KCND3: variants seen among roughly 807,000 people sequenced by gnomAD.
KCND3 encodes potassium voltage-gated channel subfamily D member 3.
Under a neutral mutation model 51.1 loss-of-function variants are expected in KCND3, and 9 were observed. The observed-to-expected ratio is 0.18, with a 90% CI of 0.11 to 0.31. The LOEUF is 0.31. Among genes scored for constraint, KCND3 ranks in the 10% least tolerant of loss-of-function variants. KCND3 has a pLI of 1.00. For synonymous variants in KCND3, 349 were observed against 368.0 expected, an observed-to-expected ratio of 0.95 and a Z score of 0.59; for missense variants, 526 against 903.8, an observed-to-expected ratio of 0.58 and a Z score of 5.36.
chr1:111,838,917 G>A (rs543872232), intron 2 of KCND3, among the ~76,000 whole-genome samples: 17 of 151,914 alleles, frequency 1.1e-4, no homozygotes, highest in Non-Finnish European at 1.9e-4. Context: ...CTGAAATCAC[G>A]CTATATGCCA....
At chr1:111,955,010 T>C (rs1673254536) in intron 2 of KCND3, among the ~76,000 whole-genome samples, 1 of 152,240 alleles carries the variant, frequency 6.6e-6, no homozygotes, top group South Asian at 2.1e-4. Flanking sequence ...TTTTCACAAA[T>C]GATTTGAATA....
intron 2 of KCND3, among the ~76,000 whole-genome samples, chr1:111,892,253 C>A (rs562826164): frequency 6.6e-6 from 1 of 152,190 alleles, no homozygotes; most frequent in Non-Finnish European, 1.5e-5. Context: ...AGTGCTTGTG[C>A]ATGAAGCCTG....
intron 2 of KCND3, among the ~76,000 whole-genome samples, chr1:111,963,748 C>T (rs1673807906): frequency 6.6e-6 from 1 of 152,222 alleles, no homozygotes; most frequent in African/African-American, 2.4e-5. Context: ...GACTTCCTGA[C>T]AGCAAGCATT....
chr1:111,797,429 C>G (rs566844689), intron 2 of KCND3, among the ~76,000 whole-genome samples: 18 of 152,204 alleles, frequency 1.2e-4, no homozygotes, highest in Admixed American at 2.6e-4. Context: ...CTTTCCCCCC[C>G]ATCCTCCTGG....
rs1035072910 is a variant in KCND3 at position 111,982,816 on chromosome 1, A to G, written c.-72-18T>C. The G allele has an allele frequency of 2.0e-5, 30 of 1,505,950 alleles. No homozygotes were observed. In the African/African-American group the frequency reaches 4.1e-4, roughly 21 times the overall value. 93.3% of individuals were successfully genotyped at this position (1,505,950 alleles called of 1,614,324 possible). On this transcript the variant is annotated intron_variant, in intron 1 of 7. Coordinates refer to ENST00000302127, the MANE Select transcript of KCND3 (RefSeq NM_001378969.1). This position sits in a 1 kb window ranked among gnomAD's most constrained non-coding sequence, Gnocchi z 8.5. ...AGCAAACCCTGGGAGACAGGAGGGG[A>G]GAGAGAGAAGCGGTGAGTCCATATC...
intron 2 of KCND3, among the ~76,000 whole-genome samples, chr1:111,941,736 G>T (rs548040634): frequency 6.6e-6 from 1 of 152,286 alleles, no homozygotes; most frequent in East Asian, 1.9e-4. Context: ...GAACCTCTAG[G>T]CATACTGTCT....
intron 2 of KCND3, among the ~76,000 whole-genome samples, chr1:111,868,332 T>C (rs1041552435): frequency 6.6e-6 from 1 of 152,216 alleles, no homozygotes; most frequent in African/African-American, 2.4e-5. Context: ...CATCTGGTTA[T>C]CAGATAACTG....
At chr1:111,942,395 C>G (rs921681009) in intron 2 of KCND3, among the ~76,000 whole-genome samples, 1 of 152,164 alleles carries the variant, frequency 6.6e-6, no homozygotes, top group Non-Finnish European at 1.5e-5. Flanking sequence ...CTGACTGGGG[C>G]GCTGTGCCAT....
chr1:111,855,889 T>C, intron 2 of KCND3, among the ~76,000 whole-genome samples: 1 of 152,050 alleles, frequency 6.6e-6, no homozygotes, highest in East Asian at 1.9e-4. Context: ...GACCAAAGCC[T>C]AGGAGAAGAG....
intron 2 of KCND3, among the ~76,000 whole-genome samples, chr1:111,896,640 G>A (rs759107982): frequency 6.6e-6 from 1 of 152,158 alleles, no homozygotes; most frequent in African/African-American, 2.4e-5. Flanking sequence ...TCCACTCAGC[G>A]GACAGCAATA....
intron 2 of KCND3, among the ~76,000 whole-genome samples, chr1:111,939,020 C>T (rs2101880237): frequency 6.6e-6 from 1 of 152,324 alleles, no homozygotes; most frequent in South Asian, 2.1e-4. Context: ...GTTCCCAGAC[C>T]AGCAGAACTG....
intron 2 of KCND3, among the ~76,000 whole-genome samples, chr1:111,844,246 C>G: frequency 6.6e-6 from 1 of 152,140 alleles, no homozygotes; most frequent in East Asian, 1.9e-4. Context: ...TCATCATGTC[C>G]CTGCAGACCT....
chr1:111,819,739 C>A (rs994433187), intron 2 of KCND3, among the ~76,000 whole-genome samples: 1 of 152,184 alleles, frequency 6.6e-6, no homozygotes, highest in Non-Finnish European at 1.5e-5. Context: ...GAAGTGTTAG[C>A]CATACGAGGG....
intron 2 of KCND3, among the ~76,000 whole-genome samples, chr1:111,807,449 G>T (rs928555396): frequency 5.3e-5 from 8 of 152,192 alleles, no homozygotes; most frequent in Non-Finnish European, 1.0e-4. Context: ...AGGCCAAGGC[G>T]GGTGGATCAT....
At chr1:111,846,416 T>TCG (rs1405115474) in intron 2 of KCND3, among the ~76,000 whole-genome samples, 11 of 135,094 alleles carry the variant, frequency 8.1e-5, no homozygotes, top group African/African-American at 3.1e-4. Flanking sequence ...CCCATGACAC[T>TCG]CTCTGCTGCT....
chr1:111,896,508 C>G (rs1033324928), intron 2 of KCND3, among the ~76,000 whole-genome samples: 1 of 152,224 alleles, frequency 6.6e-6, no homozygotes, highest in Non-Finnish European at 1.5e-5. Flanking sequence ...ACAGAAACTA[C>G]GCAGTGCCAT....
intron 2 of KCND3, among the ~76,000 whole-genome samples, chr1:111,926,667 C>T (rs544398709): frequency 5.9e-5 from 9 of 152,342 alleles, no homozygotes; most frequent in East Asian, 3.9e-4. Flanking sequence ...GAGGACAGAC[C>T]GGGATAAAGC....
chr1:111,801,001 C>G (rs1178564677), intron 2 of KCND3, among the ~76,000 whole-genome samples: 2 of 152,260 alleles, frequency 1.3e-5, no homozygotes, highest in African/African-American at 4.8e-5. Context: ...TCTGGTCAAG[C>G]GGTGGAGCCC....
chr1:111,865,450 G>A (rs957056053), intron 2 of KCND3, among the ~76,000 whole-genome samples: 2 of 152,222 alleles, frequency 1.3e-5, no homozygotes, highest in African/African-American at 2.4e-5. Context: ...GAGTGAGCCA[G>A]CACTCATCAC....
Sources: gnomAD v4.1 joint callset for allele counts (sites outside exome capture counted in the v4.1 genomes callset) on GRCh38, gnomAD v4.1.1 for gene constraint, Gnocchi (gnomAD v3.1) non-coding constraint, MANE v1.5 for transcripts, NCBI Gene and HGNC (gene_info 2026-07-23, HGNC 2026-07-21) for gene names.